The following MALAT1 variants were observed in gnomAD, a reference collection of about 807,000 sequenced individuals.
MALAT1 encodes metastasis associated lung adenocarcinoma transcript 1, also known as hepcarcin.
exon 3 of MALAT1, chr11:65,500,091 A>G (rs763726420): frequency 1.1e-5 from 5 of 462,420 alleles, no homozygotes; most frequent in South Asian, 7.8e-5. Context: ...GAGGGTGTTT[A>G]CGTAGACCAG....
intron 1 of MALAT1, chr11:65,497,883 C>T (rs1395161418): frequency 1.9e-6 from 1 of 518,632 alleles, no homozygotes; most frequent in African/African-American, 1.9e-5. Flanking sequence ...CCCTCTGACG[C>T]CTCCGGGAGC....
At chr11:65,505,052 G>A (rs1458132089) in intron 3 of MALAT1, 1 of 518,904 alleles carries the variant, frequency 1.9e-6, no homozygotes, top group East Asian at 5.4e-5. Context: ...TACATACAAA[G>A]TCAGATCAGT....
At chr11:65,506,326 G>T (rs1854697053) in exon 4 of MALAT1, 2 of 470,958 alleles carry the variant, frequency 4.2e-6, no homozygotes, top group Non-Finnish European at 8.3e-6. Flanking sequence ...TCAGGAGCTT[G>T]ACTTGATTGT....
At chr11:65,504,394 G>T (rs1178482467) in intron 3 of MALAT1, 1 of 518,566 alleles carries the variant, frequency 1.9e-6, no homozygotes, top group South Asian at 1.4e-5. Context: ...ATGCAGTACT[G>T]TTCTGATCCC....
exon 3 of MALAT1, chr11:65,499,606 GATTA>G (rs1854492789): frequency 2.2e-6 from 1 of 450,654 alleles, no homozygotes; most frequent in Non-Finnish European, 4.4e-6. Flanking sequence ...AAAATGGAAA[GATTA>G]ATTGGGAGTG....
At chr11:65,500,659 C>CGGCTT (rs1329375254) in exon 3 of MALAT1, 5 of 518,802 alleles carry the variant, frequency 9.6e-6, no homozygotes, top group Admixed American at 1.9e-5. Context: ...AGGTAGCAGG[C>CGGCTT]GGCTTGGCTT....
chr11:65,504,196 C>T (rs780339154), intron 3 of MALAT1: 3 of 515,812 alleles, frequency 5.8e-6, no homozygotes, highest in Admixed American at 3.9e-5. Context: ...TTGGCTCTTC[C>T]TTCTGTTCTA....
At chr11:65,505,570 G>C (rs766505303) in intron 3 of MALAT1, 1 of 516,002 alleles carries the variant, frequency 1.9e-6, no homozygotes, top group Middle Eastern at 3.2e-4. Context: ...TCGCCACCCC[G>C]TGCCTTTTGA....
chr11:65,501,222 G>A (rs769173170), exon 3 of MALAT1: 11 of 302,978 alleles, frequency 3.6e-5, no homozygotes, highest in Non-Finnish European at 7.0e-5. Flanking sequence ...GGAGTTTTCA[G>A]TATTTTTTTT....
exon 3 of MALAT1, chr11:65,499,079 G>C (rs773811321): frequency 1.9e-6 from 1 of 518,346 alleles, no homozygotes; most frequent in Non-Finnish European, 3.9e-6. Context: ...GGCTTCTGCT[G>C]AGGGGGCAGG....
intron 2 of MALAT1, chr11:65,498,797 A>G (rs1854464610): frequency 3.9e-6 from 2 of 518,800 alleles, no homozygotes; most frequent in African/African-American, 1.9e-5. Flanking sequence ...TATGATTTCC[A>G]TGTTTCTTTT....
exon 3 of MALAT1, chr11:65,499,368 T>A (rs896604599): frequency 8.1e-6 from 4 of 492,400 alleles, no homozygotes; most frequent in African/African-American, 2.0e-5. Context: ...GAGAAAGGAC[T>A]ACAGAGCCCC....
intron 3 of MALAT1, chr11:65,504,764 ATTGT>A (rs759544549): frequency 3.9e-6 from 2 of 519,034 alleles, no homozygotes; most frequent in Non-Finnish European, 7.7e-6. Context: ...TCTTTAGTGC[ATTGT>A]TTATGTGTGG....
chr11:65,506,076 C>A, intron 3 of MALAT1: 1 of 412,684 alleles, frequency 2.4e-6, no homozygotes, highest in Non-Finnish European at 4.7e-6. Context: ...TCAGGTTTTG[C>A]TTTTTGGCCT....
At chr11:65,497,816 A>C (rs1246779843) in exon 1 of MALAT1, 1 of 510,768 alleles carries the variant, frequency 2.0e-6, no homozygotes, top group Non-Finnish European at 3.9e-6. Context: ...GCGCAGCGCC[A>C]TTTTAGCAAC....
intron 3 of MALAT1, chr11:65,506,214 A>G (rs1488999212): frequency 4.4e-6 from 2 of 453,634 alleles, no homozygotes; most frequent in Admixed American, 2.8e-5. Context: ...CTCTTTCTGT[A>G]TTTCTCCTTT....
At chr11:65,499,051 T>C (rs762066153) in exon 3 of MALAT1, 5 of 518,022 alleles carry the variant, frequency 9.7e-6, no homozygotes, top group Non-Finnish European at 1.9e-5. Context: ...CGGTAGGCAT[T>C]GAGGCAGCCA....
chr11:65,504,100 G>T (rs770610888), intron 3 of MALAT1: 1 of 517,320 alleles, frequency 1.9e-6, no homozygotes, highest in Non-Finnish European at 3.9e-6. Flanking sequence ...GGGAGGGGGT[G>T]CCTGTGGGGT....
exon 3 of MALAT1, chr11:65,501,443 T>TA (rs771258158): frequency 3.9e-6 from 2 of 515,296 alleles, no homozygotes; most frequent in Admixed American, 2.0e-5. Context: ...GGCTGGTAGT[T>TA]ACTCTTTTTT....
Sources: allele counts gnomAD v4.1 joint callset, GRCh38; gene constraint gnomAD v4.1.1; transcripts MANE v1.5; gene names NCBI Gene and HGNC (gene_info 2026-07-23, HGNC 2026-07-21).